The following ZNF599 variants were observed in gnomAD, a reference collection of about 807,000 sequenced individuals.
ZNF599 encodes zinc finger protein 599.
Under a neutral mutation model 11.7 loss-of-function variants are expected in ZNF599, and 10 were observed. That is an observed-to-expected ratio of 0.86 (90% CI 0.53 to 1.45). The LOEUF (loss-of-function observed/expected upper bound fraction) is 1.45, where lower values mean the gene tolerates loss of function less well. Among genes scored for constraint, ZNF599 ranks in the 40% most tolerant of loss-of-function variants. The pLI, the probability that ZNF599 is intolerant of heterozygous loss-of-function variation, is 0.00. For synonymous variants in ZNF599, 232 were observed against 253.2 expected, an observed-to-expected ratio of 0.92 and a Z score of 0.79; for missense variants, 688 against 713.6, an observed-to-expected ratio of 0.96 and a Z score of 0.41.
At chr19:34,766,264 G>C (rs2069142285) in intron 3 of ZNF599, among the ~76,000 whole-genome samples, 1 of 152,140 alleles carries the variant, frequency 6.6e-6, no homozygotes. Flanking sequence ...TGGCAGCCCA[G>C]ATGTGGGACT....
chr19:34,770,556 C>T (rs2069176896), intron 1 of ZNF599, among the ~76,000 whole-genome samples: 1 of 152,212 alleles, frequency 6.6e-6, no homozygotes, highest in Non-Finnish European at 1.5e-5. Flanking sequence ...GCAGCTGGGA[C>T]TTGTAGACTC....
the ZNF599 span, among the ~76,000 whole-genome samples, chr19:34,793,937 T>C: frequency 0.95 from 144,844 of 152,248 alleles, 69,261 homozygotes; most frequent in Middle Eastern, 1. Flanking sequence ...GTTTTCACGC[T>C]GCAGATAAAG....
At chr19:34,795,187 C>T in the ZNF599 span, among the ~76,000 whole-genome samples, 3 of 152,198 alleles carry the variant, frequency 2.0e-5, no homozygotes, top group Non-Finnish European at 4.4e-5. Flanking sequence ...AAAACCATGT[C>T]GTACTTGGTA....
chr19:34,796,048 C>T, the ZNF599 span, among the ~76,000 whole-genome samples: 4 of 151,510 alleles, frequency 2.6e-5, no homozygotes, highest in Non-Finnish European at 5.9e-5. Flanking sequence ...CTCGAACTCC[C>T]GACCTCAGGT....
rs758014569 is a variant in ZNF599, at chr19:34,760,140, G to C, written c.661C>G (p.His221Asp). The part of the protein sequence containing the change: ...KWALVRHQQI[H>D]AGVKPYECNE... ...CACTCATAGGGCTTCACTCCAGCAT[G>C]AATCTGTTGATGCCGAACAAGGGCC... The change falls in exon 4 of 4, where the codon CAT becomes GAT. Residue 221 changes from histidine to aspartate, a missense_variant. His to Asp is a moderately conservative substitution (Grantham distance 81). Coordinates refer to ENST00000329285, the MANE Select transcript of ZNF599 (RefSeq NM_001007248.3). 1.2e-6 allele frequency: 2 copies of C among 1,614,142 alleles called. No individual in the cohort carries two copies. The highest frequency in any genetic ancestry group is 2.7e-5 in the African/African-American group (2 of 75,030).
the ZNF599 span, among the ~76,000 whole-genome samples, chr19:34,802,144 G>A: frequency 6.6e-6 from 1 of 152,164 alleles, no homozygotes; most frequent in Non-Finnish European, 1.5e-5. Flanking sequence ...TGGTGAGAAG[G>A]GGCACTGACA....
intron 3 of ZNF599, chr19:34,764,929 G>GA (rs1167538604): frequency 1.3e-5 from 2 of 152,020 alleles, no homozygotes. Context: ...ATAAATAAAG[G>GA]AAAGTCTTGT....
intron 3 of ZNF599, among the ~76,000 whole-genome samples, chr19:34,762,072 C>A (rs2069116875): frequency 6.6e-6 from 1 of 152,158 alleles, no homozygotes; most frequent in Non-Finnish European, 1.5e-5. Context: ...CGTCTTAAAT[C>A]TGTATGTGCC....
chr19:34,794,405 A>C, the ZNF599 span, among the ~76,000 whole-genome samples: 1 of 152,110 alleles, frequency 6.6e-6, no homozygotes, highest in East Asian at 1.9e-4. Flanking sequence ...CAACGAGGGC[A>C]ACATCTTGGT....
the ZNF599 span, among the ~76,000 whole-genome samples, chr19:34,780,758 AAAGG>A: frequency 4.6e-5 from 7 of 150,876 alleles, no homozygotes; most frequent in African/African-American, 9.8e-5. Flanking sequence ...GAAAGAAAGA[AAAGG>A]AAGGAAGGAA....
chr19:34,795,347 T>G, the ZNF599 span, among the ~76,000 whole-genome samples: 1 of 152,198 alleles, frequency 6.6e-6, no homozygotes, highest in Non-Finnish European at 1.5e-5. Context: ...ATGATCATGC[T>G]CACTGCTGCC....
chr19:34,802,603 G>A, the ZNF599 span, among the ~76,000 whole-genome samples: 1 of 152,102 alleles, frequency 6.6e-6, no homozygotes, highest in East Asian at 1.9e-4. Flanking sequence ...ATTAGCCCTG[G>A]GACAAAAGTC....
upstream of ZNF599, among the ~76,000 whole-genome samples, chr19:34,777,406 A>G (rs1272979734): frequency 1.1e-5 from 1 of 93,042 alleles, no homozygotes; most frequent in Non-Finnish European, 2.0e-5. Context: ...TATATATTAT[A>G]TATAATATAT....
At chr19:34,801,686 C>T in the ZNF599 span, among the ~76,000 whole-genome samples, 1 of 152,240 alleles carries the variant, frequency 6.6e-6, no homozygotes, top group Non-Finnish European at 1.5e-5. Flanking sequence ...TAAATGGCTG[C>T]CCCACACTCA....
At chr19:34,775,409 A>G (rs1487774472), upstream of ZNF599, among the ~76,000 whole-genome samples, 1 of 152,250 alleles carries the variant, frequency 6.6e-6, no homozygotes, top group Non-Finnish European at 1.5e-5. Context: ...ACCACACAGT[A>G]TATAATTCCA....
the ZNF599 span, among the ~76,000 whole-genome samples, chr19:34,790,479 C>T: frequency 1.3e-5 from 2 of 152,052 alleles, no homozygotes; most frequent in Non-Finnish European, 2.9e-5. Context: ...ATAGATGACC[C>T]TGGAGAATAT....
intron 1 of ZNF599, among the ~76,000 whole-genome samples, chr19:34,771,181 G>A (rs989571474): frequency 6.6e-6 from 1 of 152,106 alleles, no homozygotes; most frequent in Non-Finnish European, 1.5e-5. Context: ...GGCTCAGTGG[G>A]GAGGATTGCT....
rs771330644 is a variant in ZNF599, at chr19:34,759,745, G to A, written c.1056C>T (p.Ser352=). 9.3e-6 allele frequency: 15 copies of A among 1,613,872 alleles called. No homozygotes were observed. Among genetic ancestry groups the A allele is most frequent in the Admixed American group, 5.0e-5 (3 of 59,980 alleles). The change falls in exon 4 of 4, where the codon TCC becomes TCT. Residue 352 remains serine (S), a synonymous_variant. Transcript: ENST00000329285. ...GECGKAFTHR[S]TFIQHNVTHT... ...GGGTCACATTGTGCTGGATAAATGT[G>A]GAGCGGTGCGTGAAGGCCTTTCCAC...
chr19:34,781,939 G>A, the ZNF599 span, among the ~76,000 whole-genome samples: 6 of 152,228 alleles, frequency 3.9e-5, no homozygotes, highest in Non-Finnish European at 5.9e-5. Flanking sequence ...GGGGCCCAGT[G>A]TCAGAATAGA....
Sources: allele counts gnomAD v4.1 joint callset (sites outside exome capture counted in the v4.1 genomes callset), GRCh38; gene constraint gnomAD v4.1.1; transcripts MANE v1.5; gene names NCBI Gene and HGNC (gene_info 2026-07-23, HGNC 2026-07-21).